Variants in CBLIF observed in about 807,000 individuals in gnomAD.
CBLIF encodes cobalamin binding intrinsic factor.
Under a neutral mutation model 44.9 loss-of-function variants are expected in CBLIF, and 24 were observed. The observed-to-expected ratio is 0.53, with a 90% CI of 0.39 to 0.75. The LOEUF (loss-of-function observed/expected upper bound fraction) is 0.75, where lower values mean the gene tolerates loss of function less well. Ranked by LOEUF, CBLIF falls within the 30% of genes least tolerant of loss-of-function variation. The probability of loss-of-function intolerance (pLI) is 0.00; values close to 1 mark genes in which losing one functional copy is unlikely to be tolerated. For synonymous variants in CBLIF, 183 were observed against 190.9 expected (o/e 0.96, Z 0.34); for missense variants, 481 against 513.0 (o/e 0.94, Z 0.60).
chr11:59,835,643 A>T, intron 7 of CBLIF, 165 bp downstream of exon 7: 1 of 676,688 alleles, frequency 1.5e-6, no homozygotes, highest in Non-Finnish European at 2.6e-6. Context: ...ATATGATTTA[A>T]GTTTTCATGA....
chr11:59,842,338 T>A (rs895823045), intron 4 of CBLIF, 105 bp downstream of exon 4: 12 of 1,258,500 alleles, frequency 9.5e-6, no homozygotes, highest in Non-Finnish European at 1.4e-5. Flanking sequence ...CATCCTTAGC[T>A]CCTCCTCCAT....
chr11:59,845,286 G>T, intron 1 of CBLIF, 89 bp downstream of exon 1: 1 of 1,591,004 alleles, frequency 6.3e-7, no homozygotes, highest in Non-Finnish European at 8.6e-7. Context: ...TATAGTGATT[G>T]CTATTTTCAA....
chr11:59,834,416 G>C (rs1474933616), intron 7 of CBLIF, among the ~76,000 whole-genome samples: 1 of 119,492 alleles, frequency 8.4e-6, no homozygotes, highest in African/African-American at 3.2e-5. Context: ...TTTTGAGACA[G>C]AGTCTCACTC....
intron 8 of CBLIF, among the ~76,000 whole-genome samples, chr11:59,830,260 G>A (rs1372075946): frequency 2.2e-5 from 3 of 134,352 alleles, no homozygotes; most frequent in Non-Finnish European, 3.1e-5. Flanking sequence ...TTTTTGAAAC[G>A]GAGTCTCGCT....
chr11:59,834,288 CTTTCTTTCTTTCTTT>C (rs1866418845), intron 7 of CBLIF, among the ~76,000 whole-genome samples: 12 of 138,552 alleles, frequency 8.7e-5, no homozygotes, highest in East Asian at 6.2e-4. Context: ...TTCTTTCTTT[CTTTCTTTCTTTCTTT>C]CTTTCTTTCT....
In CBLIF at chr11:59,835,998, G is replaced by T. The variant is rs757696149; in HGVS notation, c.883C>A (p.Gln295Lys). ...CCAGGGTTGCTGGGTAGAGTTGGTT[G>T]TACCTCATGATCTGTGAAGGGCAAA... is the stretch of plus-strand genomic sequence containing the variant. ...QVTCSPDHEV[Q>K]PTLPSNPGPG... is the part of the protein sequence containing the mutation. The change falls in exon 7 of 9, where the codon CAA becomes AAA. Residue 295 changes from glutamine to lysine, a missense_variant. By Grantham distance (53) the Gln-to-Lys change is moderately conservative (BLOSUM62 1). Transcript: ENST00000257248. 7 of 1,613,828 alleles carry T rather than the reference G, an allele frequency of 4.3e-6. No homozygotes were observed. In the South Asian group the frequency reaches 6.6e-5, roughly 15 times the overall value.
rs200346359 is a variant in CBLIF, at chr11:59,843,933, T to C, written c.202A>G (p.Asn68Asp). Residue 68 changes from asparagine to aspartate, a missense_variant, in exon 2 of 9, where the codon AAC becomes GAC. Asn to Asp is a conservative substitution (Grantham distance 23, BLOSUM62 1). Transcript: ENST00000257248. The stretch of plus-strand genomic sequence containing the variant: ...GTCAGGAGCTTCTGGGCCTTCAAGT[T>C]GTAGGCTCCGGCCAGATTCATGGCA... ...LIAMNLAGAY[N>D]LKAQKLLTYQ... 5.6e-6 allele frequency: 9 copies of C among 1,613,786 alleles called. No homozygotes were observed. The East Asian group carries it at 2.0e-4, about 36-fold the overall frequency.
chr11:59,841,304 A>C lies in CBLIF; in HGVS notation c.532T>G (p.Leu178Val). 1.2e-6 allele frequency: 2 copies of C among 1,613,658 alleles called. No individual in the cohort carries two copies. Among genetic ancestry groups the C allele is most frequent in the Non-Finnish European group, 1.7e-6 (2 of 1,179,564 alleles). Reference protein sequence around the residue: ...FNVDTGAMATLALTCMYNKIP... With the variant: ...FNVDTGAMATVALTCMYNKIP... ...TTGTTGTACATACAGGTCAGAGCCA[A>C]GGTTGCCATTGCTCCTGTGTCTGTG... The change falls in exon 5 of 9, where the codon TTG becomes GTG. Residue 178 changes from leucine (L) to valine (V), a missense_variant. Transcript: ENST00000257248.
At chr11:59,833,319 C>T (rs1028833831) in intron 7 of CBLIF, among the ~76,000 whole-genome samples, 1 of 152,056 alleles carries the variant, frequency 6.6e-6, no homozygotes, top group African/African-American at 2.4e-5. Flanking sequence ...GAGTTCAAGA[C>T]CAGCCTGGCC....
At chr11:59,836,297 A>G (rs1368665912) in intron 6 of CBLIF, among the ~76,000 whole-genome samples, 3 of 152,154 alleles carry the variant, frequency 2.0e-5, no homozygotes, top group Non-Finnish European at 4.4e-5. Flanking sequence ...CACATTCTGC[A>G]TTGAGATAGA....
rs558493780 is a variant in CBLIF at position 59,831,849 on chromosome 11, C to T, written c.1074-53G>A. ...ATCTCACTTTAGGTCAGGGAATAAG[C>T]GGTAAGATGAAGGGATAGAGACAGT... On this transcript the variant is annotated intron_variant, in intron 7 of 8. Transcript: ENST00000257248. The T allele has an allele frequency of 1.0e-3, 845 of 845,932 alleles. 1 individual carries two copies. In the African/African-American group the frequency reaches 0.012, roughly 12 times the overall value. The allele number at this position is 845,932 out of a possible 1,614,324, so 52.4% of individuals were successfully genotyped here.
chr11:59,830,244 T>TC (rs1866355617), intron 8 of CBLIF, among the ~76,000 whole-genome samples: 1 of 150,130 alleles, frequency 6.7e-6, no homozygotes, highest in Admixed American at 6.6e-5. Flanking sequence ...TTTTTTTTTT[T>TC]TTTTTTTTTT....
intron 2 of CBLIF, among the ~76,000 whole-genome samples, chr11:59,843,622 G>T (rs1158770098): frequency 6.6e-6 from 1 of 152,114 alleles, no homozygotes; most frequent in Non-Finnish European, 1.5e-5. Context: ...GTTATGACGT[G>T]GCAGAGCCAG....
At chr11:59,837,385 A>G (rs1472543651) in intron 5 of CBLIF, 34 bp from the exon 6 acceptor site, 23 of 1,515,496 alleles carry the variant, frequency 1.5e-5, no homozygotes, top group Non-Finnish European at 2.0e-5. Context: ...GAGAAAGAGT[A>G]ATTAGGCATA....
intron 1 of CBLIF, 127 bp downstream of exon 1, chr11:59,845,248 C>T (rs1866589850): frequency 1.5e-6 from 2 of 1,373,530 alleles, no homozygotes; most frequent in Non-Finnish European, 2.0e-6. Context: ...CACACAATCA[C>T]ACTCAGACTT....
chr11:59,834,288 CTTTCTTTCTTTCTTTCTTTCTTT>C (rs1565207474), intron 7 of CBLIF, among the ~76,000 whole-genome samples: 27 of 138,554 alleles, frequency 1.9e-4, no homozygotes, highest in East Asian at 8.3e-4. Flanking sequence ...TTCTTTCTTT[CTTTCTTTCTTTCTTTCTTTCTTT>C]CTTCCTTCCT....
chr11:59,839,600 G>C (rs893070501), intron 5 of CBLIF, among the ~76,000 whole-genome samples: 1 of 152,146 alleles, frequency 6.6e-6, no homozygotes, highest in Non-Finnish European at 1.5e-5. Flanking sequence ...TTATATATTA[G>C]ACACCTATTG....
At chr11:59,840,726 AAG>A (rs1866514023) in intron 5 of CBLIF, among the ~76,000 whole-genome samples, 1 of 152,156 alleles carries the variant, frequency 6.6e-6, no homozygotes, top group Non-Finnish European at 1.5e-5. Flanking sequence ...AACACTGAAA[AAG>A]AACACTTGGC....
chr11:59,837,039 G>T, intron 6 of CBLIF, 135 bp downstream of exon 6: 9 of 744,564 alleles, frequency 1.2e-5, no homozygotes, highest in Middle Eastern at 3.7e-4. Flanking sequence ...CACTCTTAAG[G>T]ACTGGGAGTC....
Sources: allele counts gnomAD v4.1 joint callset (sites outside exome capture counted in the v4.1 genomes callset), GRCh38; gene constraint gnomAD v4.1.1; transcripts MANE v1.5; gene names NCBI Gene and HGNC (gene_info 2026-07-23, HGNC 2026-07-21).